SAR1A: variants seen among roughly 807,000 people sequenced by gnomAD.
SAR1A encodes the protein small COPII coat GTPase SAR1A.
Under a neutral mutation model 22.6 loss-of-function variants are expected in SAR1A, and 6 were observed. The ratio of observed to expected loss-of-function variants is 0.27; its 90% CI spans 0.15 to 0.52. The LOEUF (loss-of-function observed/expected upper bound fraction) is 0.52. Among genes scored for constraint, SAR1A ranks in the 20% least tolerant of loss-of-function variants. SAR1A has a pLI of 0.96. For missense variants in SAR1A, 145 were observed against 245.1 expected (o/e 0.59, Z 2.73); for synonymous variants, 70 against 82.2 (o/e 0.85, Z 0.80).
chr10:70,159,603 CT>C (rs1839441261), intron 4 of SAR1A, among the ~76,000 whole-genome samples: 1 of 152,062 alleles, frequency 6.6e-6, no homozygotes. Context: ...TGCCACTGCA[CT>C]CCAGCCTGGG....
intron 6 of SAR1A, among the ~76,000 whole-genome samples, chr10:70,153,090 A>G (rs891407037): frequency 3.3e-5 from 5 of 152,254 alleles, no homozygotes; most frequent in Non-Finnish European, 5.9e-5. Context: ...AGAAACCGAT[A>G]ATCAAGAAGA....
At chr10:70,165,320 C>T (rs1301782216) in intron 1 of SAR1A, among the ~76,000 whole-genome samples, 1 of 150,742 alleles carries the variant, frequency 6.6e-6, no homozygotes, top group African/African-American at 2.4e-5. Context: ...ATGCCATAGA[C>T]TGATTTCTCT....
chr10:70,155,319 A>T (rs55689289), intron 5 of SAR1A, among the ~76,000 whole-genome samples: 1 of 152,208 alleles, frequency 6.6e-6, no homozygotes, highest in Non-Finnish European at 1.5e-5. Flanking sequence ...TAAAAAAAAA[A>T]TTTAAAAAAG....
intron 1 of SAR1A, chr10:70,166,589 A>G (rs1035145035): frequency 6.6e-6 from 1 of 152,212 alleles, no homozygotes; most frequent in African/African-American, 2.4e-5. Flanking sequence ...AAAAGAAATG[A>G]CATCACTATT....
At chr10:70,163,539 A>G (rs1363662605) in intron 1 of SAR1A, 6 of 509,724 alleles carry the variant, frequency 1.2e-5, no homozygotes, top group South Asian at 4.3e-5. Context: ...CTCATTTACC[A>G]TTCTGAAAAT....
chr10:70,158,492 C>G (rs1208480740), intron 4 of SAR1A, among the ~76,000 whole-genome samples: 1 of 152,140 alleles, frequency 6.6e-6, no homozygotes, highest in East Asian at 1.9e-4. Flanking sequence ...ATAAATATTA[C>G]TTGGTTTTTT....
intron 5 of SAR1A, 136 bp downstream of exon 5, chr10:70,157,628 G>A: frequency 5.1e-6 from 3 of 593,648 alleles, no homozygotes; most frequent in East Asian, 2.8e-5. Flanking sequence ...TTTTCCTCCT[G>A]CAACTAGGTC....
rs543373790 is a variant in SAR1A at position 70,148,358 on chromosome 10, G to C, written c.*4118C>G. Reference sequence around the variant, plus strand: ...ACAAACCTGCTAGAGAAAGGAAAACGATTATCCATGATAGTATGAGGCAGG... The same window carrying C: ...ACAAACCTGCTAGAGAAAGGAAAACCATTATCCATGATAGTATGAGGCAGG... On this transcript the variant is annotated 3_prime_UTR_variant, in exon 7 of 7. Coordinates refer to ENST00000373241, the MANE Select transcript of SAR1A (RefSeq NM_020150.5). 1 of 152,198 alleles carries C rather than the reference G, an allele frequency of 6.6e-6. No individual in the cohort carries two copies. The highest frequency in any genetic ancestry group is 1.5e-5 in the Non-Finnish European group (1 of 68,052). 9.4% of individuals were successfully genotyped at this position (152,198 alleles called of 1,614,324 possible).
In SAR1A at chr10:70,150,431, A is replaced by G. The variant is rs1289918630; in HGVS notation, c.*2045T>C. 6.6e-6 allele frequency: 1 copy of G among 152,234 alleles called. No individual in the cohort carries two copies. Among genetic ancestry groups the G allele is most frequent in the Non-Finnish European group, 1.5e-5 (1 of 68,036 alleles). 9.4% of individuals were successfully genotyped at this position (152,234 alleles called of 1,614,324 possible). A position where few individuals can be genotyped will look rare whatever the true frequency, so the allele number is the denominator to read the frequency against. On this transcript the variant is annotated 3_prime_UTR_variant, in exon 7 of 7. Coordinates refer to ENST00000373241, the MANE Select transcript of SAR1A (RefSeq NM_020150.5). ...TAGGAATAGTGTTCCGTGGGGCAAG[A>G]AATACATTGGTTCTAACTGATTTTC...
intron 1 of SAR1A, among the ~76,000 whole-genome samples, chr10:70,164,809 T>C (rs1258152847): frequency 6.6e-6 from 1 of 152,194 alleles, no homozygotes; most frequent in Non-Finnish European, 1.5e-5. Flanking sequence ...TTACTAAGTA[T>C]TTTAAGCCCA....
In SAR1A at chr10:70,162,328, ACT is replaced by A. The variant is rs1249921833; in HGVS notation, c.-16-399_-16-398del. ...GCACTCACTTGGGCAACAGAGGGAG[ACT>A]CTGATAAAAAAGACAGGACAGGACA... On this transcript the variant is annotated intron_variant, in intron 1 of 6. Coordinates refer to ENST00000373241, the MANE Select transcript of SAR1A (RefSeq NM_020150.5). Among the ~76,000 whole-genome samples the A allele has an allele frequency of 3.4e-5, 5 of 148,362 alleles. No individual in the cohort carries two copies. The Admixed American group carries it at 3.4e-4, about 10-fold the overall frequency.
intron 1 of SAR1A, among the ~76,000 whole-genome samples, chr10:70,168,517 G>T (rs968511755): frequency 6.6e-6 from 1 of 152,066 alleles, no homozygotes; most frequent in African/African-American, 2.4e-5. Context: ...ACTTGAACCC[G>T]GGAGGCAGAG....
chr10:70,168,185 G>A (rs1839577587), intron 1 of SAR1A, among the ~76,000 whole-genome samples: 1 of 152,202 alleles, frequency 6.6e-6, no homozygotes, highest in Non-Finnish European at 1.5e-5. Flanking sequence ...TATGCTCCAA[G>A]GGAGGAGATG....
chr10:70,151,375 C>T lies in SAR1A; in HGVS notation c.*1101G>A, dbSNP rs989699746. On this transcript the variant is annotated 3_prime_UTR_variant, in exon 7 of 7. Coordinates refer to ENST00000373241, the MANE Select transcript of SAR1A (RefSeq NM_020150.5). ...AAATGTAAAAAAAAGAGCTCCCAAA[C>T]AGCCTGAGAGACCAAATTCTGCAAA... is the stretch of plus-strand genomic sequence containing the variant. 6.8e-5 allele frequency: 10 copies of T among 146,740 alleles called. No homozygotes were observed. The highest frequency in any genetic ancestry group is 2.5e-4 in the African/African-American group (10 of 39,966). 9.1% of individuals were successfully genotyped at this position (146,740 alleles called of 1,614,324 possible).
chr10:70,163,763 A>G, intron 1 of SAR1A: 1 of 1,013,732 alleles, frequency 9.9e-7, no homozygotes, highest in South Asian at 1.3e-5. Flanking sequence ...TGGTGATGGA[A>G]CTATAACAAC....
At chr10:70,162,748 T>C (rs1315924315) in intron 1 of SAR1A, 5 of 152,180 alleles carry the variant, frequency 3.3e-5, no homozygotes, top group African/African-American at 7.2e-5. Context: ...AAATTGAAGG[T>C]TGGAAGCAGC....
chr10:70,148,544 G>A lies in SAR1A; in HGVS notation c.*3932C>T, dbSNP rs556263576. On this transcript the variant is annotated 3_prime_UTR_variant, in exon 7 of 7. Coordinates refer to ENST00000373241, the MANE Select transcript of SAR1A (RefSeq NM_020150.5). Reference sequence around the variant, plus strand: ...GGGCTCACACTTGGAATCCCAGCACGTTGGGAGGCTGAGGTAGGAGAATTT... The same window carrying A: ...GGGCTCACACTTGGAATCCCAGCACATTGGGAGGCTGAGGTAGGAGAATTT... 1.3e-5 allele frequency: 2 copies of A among 152,162 alleles called. No homozygotes were observed. Among genetic ancestry groups the A allele is most frequent in the African/African-American group, 4.8e-5 (2 of 41,438 alleles). 9.4% of individuals were successfully genotyped at this position (152,162 alleles called of 1,614,324 possible).
intron 1 of SAR1A, chr10:70,167,618 AG>A: frequency 6.6e-6 from 1 of 152,052 alleles, no homozygotes; most frequent in South Asian, 2.1e-4. Context: ...AAAAAAAAAA[AG>A]AGTAAATTGA....
chr10:70,170,205 A>G (rs1260197889), intron 1 of SAR1A, among the ~76,000 whole-genome samples: 2 of 151,866 alleles, frequency 1.3e-5, no homozygotes, highest in Non-Finnish European at 2.9e-5. Context: ...AGTGGACCCC[A>G]GGCAAAGAGG....
Sources: gnomAD v4.1 joint callset for allele counts (sites outside exome capture counted in the v4.1 genomes callset) on GRCh38, gnomAD v4.1.1 for gene constraint, MANE v1.5 for transcripts, NCBI Gene and HGNC (gene_info 2026-07-23, HGNC 2026-07-21) for gene names.